Variants in ZNF43 observed in about 807,000 individuals in gnomAD.
ZNF43 encodes zinc finger protein 43, also known as zinc finger protein 39-like 1 (KOX 27).
A neutral mutation model predicts 68.4 loss-of-function variants in ZNF43; 44 were observed. That is an observed-to-expected ratio of 0.64 (90% CI 0.51 to 0.83). The LOEUF is 0.83. Among genes scored for constraint, ZNF43 ranks in the 40% least tolerant of loss-of-function variants. The pLI is 0.00. For missense variants in ZNF43, 896 were observed against 933.2 expected (o/e 0.96, Z 0.52); for synonymous variants, 308 against 307.8 (o/e 1.00, Z -0.01).
At chr19:21,834,111 G>A (rs1258048895) in intron 1 of ZNF43, among the ~76,000 whole-genome samples, 3 of 152,076 alleles carry the variant, frequency 2.0e-5, no homozygotes, top group Admixed American at 1.3e-4. Context: ...GCGGAGGCGG[G>A]TGGATCATCT....
intron 1 of ZNF43, among the ~76,000 whole-genome samples, chr19:21,821,468 T>C (rs994800262): frequency 2.0e-5 from 3 of 152,194 alleles, no homozygotes; most frequent in African/African-American, 7.2e-5. Flanking sequence ...TTCTGCTTTA[T>C]AAATGTCTTC....
chr19:21,814,962 C>T (rs1450940092), intron 3 of ZNF43, among the ~76,000 whole-genome samples: 4 of 151,550 alleles, frequency 2.6e-5, no homozygotes, highest in Non-Finnish European at 4.4e-5. Flanking sequence ...CCGAGGCAGG[C>T]GGATCACCTG....
At position 21,847,549 on chromosome 19, in the gene ZNF43, T is replaced by C. The variant is rs553077609; in HGVS notation, c.30+4356A>G. ...CCATCTCTACTAAAAATACAAAAATTAGCTGGGTGTGGTGGCACATGCCTG... is the reference window on the plus strand; with the variant it reads ...CCATCTCTACTAAAAATACAAAAATCAGCTGGGTGTGGTGGCACATGCCTG... On this transcript the variant is annotated intron_variant, in intron 1 of 3. Transcript: ENST00000357491. Among the ~76,000 whole-genome samples, 30 of 152,048 alleles carry C rather than the reference T, an allele frequency of 2.0e-4. 1 individual carries two copies. Among genetic ancestry groups the C allele is most frequent in the African/African-American group, 7.0e-4 (29 of 41,498 alleles).
intron 3 of ZNF43, among the ~76,000 whole-genome samples, chr19:21,813,282 T>G (rs375916976): frequency 3.3e-5 from 5 of 151,994 alleles, no homozygotes; most frequent in Non-Finnish European, 1.5e-5. Context: ...CTCAGATACT[T>G]AAAAATGAAA....
intron 1 of ZNF43, among the ~76,000 whole-genome samples, chr19:21,820,633 A>G (rs2037777468): frequency 6.6e-6 from 1 of 151,540 alleles, no homozygotes; most frequent in South Asian, 2.1e-4. Flanking sequence ...AGTCTGTCAG[A>G]GAGCCCTTGA....
upstream of ZNF43, among the ~76,000 whole-genome samples, chr19:21,836,847 C>T (rs1463039363): frequency 6.6e-6 from 1 of 152,176 alleles, no homozygotes; most frequent in Non-Finnish European, 1.5e-5. Context: ...CAAAGTCAGC[C>T]TCCCAAAGTA....
At chr19:21,838,840 T>C (rs1309201674), upstream of ZNF43, 1 of 152,204 alleles carries the variant, frequency 6.6e-6, no homozygotes, top group Non-Finnish European at 1.5e-5. Flanking sequence ...GAAACCTACT[T>C]GGCTGCCTCC....
At chr19:21,850,509 G>A (rs1038610227) in intron 1 of ZNF43, among the ~76,000 whole-genome samples, 14 of 151,190 alleles carry the variant, frequency 9.3e-5, no homozygotes, top group African/African-American at 2.2e-4. Flanking sequence ...GCAGTGAGCC[G>A]AGATCGCACC....
At chr19:21,847,894 C>T (rs532618282) in intron 1 of ZNF43, among the ~76,000 whole-genome samples, 4 of 150,544 alleles carry the variant, frequency 2.7e-5, no homozygotes, top group East Asian at 4.0e-4. Context: ...AGTGTAGTGG[C>T]GCATCTTGGC....
In ZNF43 at chr19:21,806,483, T is replaced by A. The variant is rs1244424528; in HGVS notation, c.*1124A>T. ...CCTGGCTGCATCTTACACTTTAATA[T>A]CCTTACTGTTCCATAAAAAATGTTT... is the stretch of plus-strand genomic sequence containing the variant. On this transcript the variant is annotated 3_prime_UTR_variant, in exon 4 of 4. Coordinates refer to ENST00000354959, the MANE Select transcript of ZNF43 (RefSeq NM_003423.4). 5.9e-5 allele frequency: 9 copies of A among 152,248 alleles called. No homozygotes were observed. The highest frequency in any genetic ancestry group is 4.1e-4 in the South Asian group (2 of 4,826). 9.4% of individuals were successfully genotyped at this position (152,248 alleles called of 1,614,324 possible). A position where few individuals can be genotyped will look rare whatever the true frequency, so the allele number is the denominator to read the frequency against.
rs751307204 is a variant in ZNF43 at position 21,808,296 on chromosome 19, G to A, written c.1741C>T (p.Leu581Phe). 5 of 1,613,494 alleles carry A rather than the reference G, an allele frequency of 3.1e-6. No individual in the cohort carries two copies. Among genetic ancestry groups the A allele is most frequent in the Middle Eastern group, 1.7e-4 (1 of 6,058 alleles). Residue 581 changes from leucine to phenylalanine, a missense_variant, in exon 4 of 4, where the codon CTT becomes TTT. By Grantham distance (22) the Leu-to-Phe change is conservative (BLOSUM62 0). Coordinates refer to ENST00000354959, the MANE Select transcript of ZNF43 (RefSeq NM_003423.4). ...GTATGAATTTTCTTATGTGTAGTAA[G>A]GTTTGAGGATTGGGTAAAAGCTTTG... The part of the protein sequence containing the change: ...CGKAFTQSSN[L>F]TTHKKIHTGE...
chr19:21,818,085 A>G (rs372706184), intron 2 of ZNF43, 99 bp from the exon 3 acceptor site: 3 of 1,269,916 alleles, frequency 2.4e-6, no homozygotes, highest in Non-Finnish European at 1.1e-6. Context: ...GAATATCCTA[A>G]TCATTAATCC....
chr19:21,828,711 C>A (rs1331603708), intron 1 of ZNF43, among the ~76,000 whole-genome samples: 1 of 145,852 alleles, frequency 6.9e-6, no homozygotes, highest in Non-Finnish European at 1.5e-5. Context: ...GAGTGAAACT[C>A]CGTCTCAAAA....
intron 1 of ZNF43, among the ~76,000 whole-genome samples, chr19:21,843,875 C>CA (rs1307475173): frequency 2.0e-5 from 3 of 152,170 alleles, no homozygotes; most frequent in Non-Finnish European, 4.4e-5. Context: ...CTATAAGAGT[C>CA]AATTTTGCAA....
chr19:21,840,924 A>G (rs1008342223), upstream of ZNF43: 33 of 152,210 alleles, frequency 2.2e-4, no homozygotes, highest in Non-Finnish European at 2.9e-4. Context: ...AGCTAGGTTT[A>G]GAAATGAGTC....
At chr19:21,840,716 C>T (rs1260570034), upstream of ZNF43, 1 of 152,206 alleles carries the variant, frequency 6.6e-6, no homozygotes, top group East Asian at 1.9e-4. Context: ...ACAATGTCAC[C>T]TGGGTGCTAG....
Position 21,806,041 on chromosome 19 carries a change from T to C in ZNF43, c.*1566A>G, listed in dbSNP as rs1442742487. The stretch of plus-strand genomic sequence containing the variant: ...TAAAATGACTTACTAATTTAACCAA[T>C]TTTAACTAAAATAAAAAACTTTTGT... On this transcript the variant is annotated 3_prime_UTR_variant, in exon 4 of 4. Coordinates refer to ENST00000354959, the MANE Select transcript of ZNF43 (RefSeq NM_003423.4). 6.6e-6 allele frequency: 1 copy of C among 152,172 alleles called. No homozygotes were observed. Among genetic ancestry groups the C allele is most frequent in the Admixed American group, 6.5e-5 (1 of 15,268 alleles). 9.4% of individuals were successfully genotyped at this position (152,172 alleles called of 1,614,324 possible).
chr19:21,844,451 TGA>T (rs1967765708), intron 1 of ZNF43, among the ~76,000 whole-genome samples: 1 of 151,440 alleles, frequency 6.6e-6, no homozygotes, highest in South Asian at 2.1e-4. Context: ...TTATAATATC[TGA>T]GAGAGTGGTA....
intron 1 of ZNF43, among the ~76,000 whole-genome samples, chr19:21,847,799 C>T (rs1194357748): frequency 3.9e-5 from 6 of 152,120 alleles, no homozygotes; most frequent in Non-Finnish European, 4.4e-5. Context: ...GTTACATCCC[C>T]TGGGTATTGG....
Sources: allele counts gnomAD v4.1 joint callset (sites outside exome capture counted in the v4.1 genomes callset), GRCh38; gene constraint gnomAD v4.1.1; transcripts MANE v1.5; gene names NCBI Gene and HGNC (gene_info 2026-07-23, HGNC 2026-07-21).